Variants in SVEP1 observed in about 807,000 individuals in gnomAD.
The protein encoded by SVEP1 is sushi, von Willebrand factor type A, EGF and pentraxin domain containing 1.
In SVEP1, 164 loss-of-function variants were observed where a neutral mutation model predicts 367.3. That is an observed-to-expected ratio of 0.45 (90% CI 0.39 to 0.51). SVEP1 has a LOEUF of 0.51. Among genes scored for constraint, SVEP1 ranks in the 20% least tolerant of loss-of-function variants. SVEP1 has a pLI of 0.00. For missense variants in SVEP1, 4,117 were observed against 4,425.3 expected, an observed-to-expected ratio of 0.93 and a Z score of 1.98; for synonymous variants, 1,666 against 1,611.6, an observed-to-expected ratio of 1.03 and a Z score of -0.81.
rs527780647 is a variant in SVEP1 at position 110,515,287 on chromosome 9, T to A, written c.965-1181A>T. Among the ~76,000 whole-genome samples, 3 of 146,906 alleles carry A rather than the reference T, an allele frequency of 2.0e-5. No individual in the cohort carries two copies. The South Asian group carries it at 6.4e-4, about 31-fold the overall frequency. ...CAGTTGCAACCAAGCAATGTGCATTTATGTGGGGATTTTTTTTTTTTTTTT... is the reference window on the plus strand; with the variant it reads ...CAGTTGCAACCAAGCAATGTGCATTAATGTGGGGATTTTTTTTTTTTTTTT... On this transcript the variant is annotated intron_variant, in intron 3 of 47. Coordinates refer to ENST00000374469, the MANE Select transcript of SVEP1 (RefSeq NM_153366.4).
At position 110,407,319 on chromosome 9, in the gene SVEP1, T is replaced by C. The variant is rs1827970951; in HGVS notation, c.8281A>G (p.Arg2761Gly). Residue 2761 changes from arginine (R) to glycine (G), a missense_variant, in exon 38 of 48, where the codon AGA becomes GGA. By Grantham distance (125) the Arg-to-Gly change is moderately radical. Transcript: ENST00000374469. ...CGTGGGGAGGCACCACTCCACTTTC[T>C]ATTCTCTAGACAAAGCCTTAAGTCA... ...GSDLRLCLEN[R>G]KWSGASPRCE... The C allele has an allele frequency of 6.2e-7, 1 of 1,613,910 alleles. No homozygotes were observed.
At chr9:110,368,766 A>C (rs1827235638) in intron 47 of SVEP1, among the ~76,000 whole-genome samples, 1 of 152,076 alleles carries the variant, frequency 6.6e-6, no homozygotes, top group Non-Finnish European at 1.5e-5. Context: ...GCAGCTTCTA[A>C]ATATATTTGT....
chr9:110,443,299 G>A (rs1218881804), intron 27 of SVEP1: 2 of 380,266 alleles, frequency 5.3e-6, no homozygotes, highest in Non-Finnish European at 9.3e-6. Context: ...TGCTAATTCA[G>A]CATGCTTCTT....
intron 26 of SVEP1, among the ~76,000 whole-genome samples, chr9:110,444,473 C>G (rs2118592297): frequency 6.6e-6 from 1 of 152,250 alleles, no homozygotes; most frequent in East Asian, 1.9e-4. Context: ...ATTATAGCAG[C>G]CTGAATGGAC....
At chr9:110,535,417 T>C (rs1830066860) in intron 3 of SVEP1, among the ~76,000 whole-genome samples, 1 of 152,190 alleles carries the variant, frequency 6.6e-6, no homozygotes, top group African/African-American at 2.4e-5. Flanking sequence ...TTGGTTACTG[T>C]AGGCCCATAG....
chr9:110,515,783 G>A (rs1469702365), intron 3 of SVEP1, among the ~76,000 whole-genome samples: 2 of 152,164 alleles, frequency 1.3e-5, no homozygotes, highest in East Asian at 1.9e-4. Flanking sequence ...GTTAGTGGGT[G>A]ACAGAGATAG....
chr9:110,559,134 G>A (rs953919685), intron 1 of SVEP1, among the ~76,000 whole-genome samples: 2 of 151,972 alleles, frequency 1.3e-5, no homozygotes, highest in African/African-American at 2.4e-5. Flanking sequence ...AAGTAGGTAA[G>A]AAATAAATCA....
intron 30 of SVEP1, among the ~76,000 whole-genome samples, chr9:110,433,127 T>C (rs1240902390): frequency 6.6e-6 from 1 of 152,170 alleles, no homozygotes; most frequent in Non-Finnish European, 1.5e-5. Context: ...TAAAATCTCC[T>C]TGAGGCCTCC....
rs138764012 is a variant in SVEP1, at chr9:110,393,715, G to A, written c.9823-4128C>T. Among the ~76,000 whole-genome samples, 1,483 of 152,308 alleles carry A rather than the reference G, an allele frequency of 9.7e-3. 18 individuals are homozygous for A. Among genetic ancestry groups the A allele is most frequent in the East Asian group, 0.052 (272 of 5,184 alleles). On this transcript the variant is annotated intron_variant, in intron 40 of 47. Transcript: ENST00000374469. ...ACAGCAAACCAGGAGATTATATCCC[G>A]CACCTGGCTCAGAGGGTCCTATGCC...
intron 39 of SVEP1, among the ~76,000 whole-genome samples, chr9:110,403,101 T>A (rs1265144895): frequency 6.6e-6 from 1 of 151,912 alleles, no homozygotes; most frequent in East Asian, 1.9e-4. Context: ...AACAAAAAAG[T>A]ATGCTTGAAG....
At position 110,445,886 on chromosome 9, in the gene SVEP1, C is replaced by A. The variant is rs892092366; in HGVS notation, c.4414G>T (p.Ala1472Ser). The change falls in exon 26 of 48, where the codon GCA becomes TCA. Residue 1472 changes from alanine (A) to serine (S), a missense_variant. By Grantham distance (99) the Ala-to-Ser change is moderately conservative (BLOSUM62 1). Around this residue, in one of 4 missense-constraint regions of SVEP1, gnomAD observed 2,174 missense variants for 2,494.3 expected, o/e 0.87. Coordinates refer to ENST00000374469, the MANE Select transcript of SVEP1 (RefSeq NM_153366.4). ...GTATTGTCGCTGCCGTTATCAACTG[C>A]ATAGGAGATTGGTGTTCCATAGTTC... ...DMNYGTPISY[A>S]VDNGSDNTLL... The A allele has an allele frequency of 9.3e-6, 15 of 1,613,844 alleles. No homozygotes were observed. The South Asian group carries it at 1.5e-4, about 17-fold the overall frequency.
At chr9:110,406,029 T>C (rs1348765947) in intron 38 of SVEP1, 131 bp downstream of exon 38, 2 of 1,178,190 alleles carry the variant, frequency 1.7e-6, no homozygotes, top group Non-Finnish European at 2.3e-6. Flanking sequence ...AGCCAAGTGT[T>C]AAAAGCACCA....
intron 25 of SVEP1, 150 bp downstream of exon 25, chr9:110,446,750 T>C: frequency 1.8e-6 from 1 of 553,580 alleles, no homozygotes; most frequent in Non-Finnish European, 2.8e-6. Flanking sequence ...AGTACCTAGT[T>C]TGTTGGATGG....
At chr9:110,546,042 T>G (rs2118842888) in intron 3 of SVEP1, 73 bp downstream of exon 3, 1 of 1,502,464 alleles carries the variant, frequency 6.7e-7, no homozygotes. Context: ...CATGTATTCC[T>G]TATAGCCATT....
intron 28 of SVEP1, among the ~76,000 whole-genome samples, chr9:110,435,848 T>C (rs747058625): frequency 1.3e-5 from 2 of 152,236 alleles, no homozygotes; most frequent in Non-Finnish European, 2.9e-5. Context: ...CTCTGCTATG[T>C]AGTTCTATTT....
In SVEP1 at chr9:110,404,446, G is replaced by T; in HGVS notation, c.9547C>A (p.Leu3183Ile). 6.2e-7 allele frequency: 1 copy of T among 1,614,004 alleles called. No homozygotes were observed. The highest frequency in any genetic ancestry group is 8.5e-7 in the Non-Finnish European group (1 of 1,179,892). The change falls in exon 39 of 48, where the codon CTC becomes ATC. Residue 3183 changes from leucine (L) to isoleucine (I), a missense_variant. Physicochemically the swap from Leu to Ile is conservative, Grantham distance 5. Around this residue, in one of 4 missense-constraint regions of SVEP1, gnomAD observed 1,765 missense variants for 1,781.1 expected, o/e 0.99. Coordinates refer to ENST00000374469, the MANE Select transcript of SVEP1 (RefSeq NM_153366.4). ...AGTATATGTGTTATGTTTTCCGGGA[G>T]AGGACATTTTTTAGGACTGCAGGAG... ...RISCSPKKCP[L>I]PENITHILVH...
chr9:110,391,212 CTGTGATGATTCATTT>C (rs1399965027), intron 40 of SVEP1, among the ~76,000 whole-genome samples: 1 of 151,132 alleles, frequency 6.6e-6, no homozygotes, highest in Non-Finnish European at 1.5e-5. Flanking sequence ...GTTTATGTTT[CTGTGATGATTCATTT>C]TATGAACAAA....
intron 5 of SVEP1, among the ~76,000 whole-genome samples, chr9:110,508,693 G>A (rs1257972095): frequency 6.8e-6 from 1 of 147,100 alleles, no homozygotes; most frequent in African/African-American, 2.5e-5. Context: ...CCCAGGAGAC[G>A]GAGCTTGCAG....
chr9:110,387,198 A>G (rs1827538268), intron 42 of SVEP1, 87 bp downstream of exon 42: 2 of 1,382,504 alleles, frequency 1.4e-6, no homozygotes. Context: ...ATCCCTTATG[A>G]GTGGAGCTTC....
Sources: gnomAD v4.1 joint callset for allele counts (sites outside exome capture counted in the v4.1 genomes callset) on GRCh38, gnomAD v4.1.1 for gene constraint, gnomAD v4.1.1 regional missense constraint, MANE v1.5 for transcripts, NCBI Gene and HGNC (gene_info 2026-07-23, HGNC 2026-07-21) for gene names.